DACH1: variants seen among roughly 807,000 people sequenced by gnomAD.
The protein encoded by DACH1 is dachshund family transcription factor 1, also known as dachshund homolog 1.
In DACH1, 12 loss-of-function variants were observed where a neutral mutation model predicts 54.2. The observed-to-expected ratio is 0.22, with a 90% confidence interval of 0.14 to 0.36. The LOEUF is 0.36. DACH1 is among the 10% of genes least tolerant of loss of function. DACH1 has a pLI of 1.00. For missense variants in DACH1, 805 were observed against 929.8 expected (o/e 0.87, Z 1.75); for synonymous variants, 386 against 366.2 (o/e 1.05, Z -0.62).
At chr13:71,600,719 C>CAGAT (rs912480865) in intron 3 of DACH1, among the ~76,000 whole-genome samples, 2 of 151,934 alleles carry the variant, frequency 1.3e-5, no homozygotes, top group Non-Finnish European at 2.9e-5. Context: ...AAGTTATCCA[C>CAGAT]AGATAGACTG....
intron 2 of DACH1, among the ~76,000 whole-genome samples, chr13:71,641,649 T>C (rs1877906299): frequency 6.6e-6 from 1 of 152,144 alleles, no homozygotes; most frequent in Non-Finnish European, 1.5e-5. Flanking sequence ...AAGATTCAAA[T>C]GAAATATGAG....
chr13:71,482,762 CAAATAAT>C (rs891208202), intron 7 of DACH1, among the ~76,000 whole-genome samples: 2 of 145,004 alleles, frequency 1.4e-5, no homozygotes, highest in African/African-American at 5.1e-5. Context: ...AAAAAACAAA[CAAATAAT>C]CAATAGTACA....
intron 1 of DACH1, among the ~76,000 whole-genome samples, chr13:71,760,937 A>G (rs911803535): frequency 1.3e-5 from 2 of 152,162 alleles, no homozygotes; most frequent in Non-Finnish European, 2.9e-5. Flanking sequence ...GGAAATTTAC[A>G]GAATATAAAG....
chr13:71,482,233 GT>G (rs201848878), intron 7 of DACH1, among the ~76,000 whole-genome samples: 54 of 148,688 alleles, frequency 3.6e-4, no homozygotes, highest in South Asian at 1.7e-3. Flanking sequence ...TAGAGATTGA[GT>G]TTTTTTTTTA....
At chr13:71,505,889 A>G (rs1404223114) in intron 6 of DACH1, among the ~76,000 whole-genome samples, 1 of 152,128 alleles carries the variant, frequency 6.6e-6, no homozygotes, top group Non-Finnish European at 1.5e-5. Flanking sequence ...TCCATAAATG[A>G]CTTAATATTG....
At chr13:71,784,912 T>C (rs1215795147) in intron 1 of DACH1, among the ~76,000 whole-genome samples, 3 of 152,176 alleles carry the variant, frequency 2.0e-5, no homozygotes, top group Non-Finnish European at 4.4e-5. Context: ...TGGATCCTAA[T>C]TGACTATTCT....
Position 71,462,871 on chromosome 13 carries a change from T to TACACAC in DACH1, c.2083+12264_2083+12269dup, listed in dbSNP as rs374818301. Among the ~76,000 whole-genome samples the TACACAC allele has an allele frequency of 5.1e-3, 526 of 102,876 alleles. 2 individuals are homozygous for TACACAC. Among genetic ancestry groups the TACACAC allele is most frequent in the African/African-American group, 0.015 (500 of 33,406 alleles). The allele number at this position is 102,876 out of a possible 152,430, so 67.5% of individuals were successfully genotyped here. A position where few individuals can be genotyped will look rare whatever the true frequency, so the allele number is the denominator to read the frequency against. On this transcript the variant is annotated intron_variant, in intron 10 of 10. Coordinates refer to ENST00000613252, the MANE Select transcript of DACH1 (RefSeq NM_080759.6). Reference sequence around the variant, plus strand: ...ATTCCAGGTCTAGAATCTATCTATCTACACACACACACACACACACACACA... The same window carrying TACACAC: ...ATTCCAGGTCTAGAATCTATCTATCTACACACACACACACACACACACACACACACA...
intron 6 of DACH1, among the ~76,000 whole-genome samples, chr13:71,492,108 AC>A (rs1879030002): frequency 6.6e-6 from 1 of 152,168 alleles, no homozygotes; most frequent in Non-Finnish European, 1.5e-5. Context: ...TTCTTAAAAA[AC>A]ATTTTACTTT....
intron 6 of DACH1, among the ~76,000 whole-genome samples, chr13:71,539,705 T>C (rs79534715): frequency 0.065 from 9,860 of 152,124 alleles, 416 homozygotes; most frequent in Middle Eastern, 0.14. Flanking sequence ...TTGGGTAAAA[T>C]AGAGAAAGTA....
intron 1 of DACH1, among the ~76,000 whole-genome samples, chr13:71,777,198 G>A (rs1187241459): frequency 2.0e-5 from 3 of 148,266 alleles, no homozygotes; most frequent in South Asian, 2.1e-4. Context: ...TTGTCCGTAC[G>A]GTATAGCCTT....
chr13:71,654,452 A>AGT (rs1878933649), intron 2 of DACH1, among the ~76,000 whole-genome samples: 4 of 133,182 alleles, frequency 3.0e-5, no homozygotes, highest in Admixed American at 7.8e-5. Flanking sequence ...AATAAAATAA[A>AGT]ATAAAGTAAA....
intron 1 of DACH1, among the ~76,000 whole-genome samples, chr13:71,711,491 G>T (rs1882722650): frequency 6.6e-6 from 1 of 152,074 alleles, no homozygotes; most frequent in South Asian, 2.1e-4. Context: ...ACCTGATTCG[G>T]TTACTCAAGC....
chr13:71,807,543 T>C (rs763816929), intron 1 of DACH1, among the ~76,000 whole-genome samples: 1 of 152,082 alleles, frequency 6.6e-6, no homozygotes, highest in African/African-American at 2.4e-5. Context: ...TGGTTTAAGA[T>C]TGGTCCAAGT....
At chr13:71,461,332 T>C (rs1427830367) in intron 10 of DACH1, among the ~76,000 whole-genome samples, 1 of 152,040 alleles carries the variant, frequency 6.6e-6, no homozygotes, top group Non-Finnish European at 1.5e-5. Context: ...ATCGCATTCA[T>C]TCAAAAGAGC....
chr13:71,735,689 C>G (rs541031647), intron 1 of DACH1, among the ~76,000 whole-genome samples: 1 of 149,024 alleles, frequency 6.7e-6, no homozygotes. Context: ...ACTTGACAAA[C>G]GCATTGCTTA....
chr13:71,716,417 T>C (rs1321406968), intron 1 of DACH1, among the ~76,000 whole-genome samples: 1 of 152,096 alleles, frequency 6.6e-6, no homozygotes, highest in Admixed American at 6.6e-5. Context: ...CTTTCAGGTA[T>C]AATTTCTCAT....
intron 1 of DACH1, among the ~76,000 whole-genome samples, chr13:71,713,364 C>T (rs561085468): frequency 6.6e-6 from 1 of 152,092 alleles, no homozygotes; most frequent in East Asian, 1.9e-4. Flanking sequence ...ATGGTCTAAA[C>T]GTGCATAAAA....
intron 3 of DACH1, among the ~76,000 whole-genome samples, chr13:71,621,519 A>G (rs901037597): frequency 4.6e-5 from 7 of 152,088 alleles, no homozygotes; most frequent in African/African-American, 1.7e-4. Flanking sequence ...CTGTGCAGAC[A>G]TTAAATAATA....
At chr13:71,747,759 G>A (rs1397854368) in intron 1 of DACH1, among the ~76,000 whole-genome samples, 1 of 152,130 alleles carries the variant, frequency 6.6e-6, no homozygotes, top group Non-Finnish European at 1.5e-5. Context: ...TCCATGGGAG[G>A]AAGCAAGGAA....
Sources: gnomAD v4.1 joint callset for allele counts (sites outside exome capture counted in the v4.1 genomes callset) on GRCh38, gnomAD v4.1.1 for gene constraint, MANE v1.5 for transcripts, NCBI Gene and HGNC (gene_info 2026-07-23, HGNC 2026-07-21) for gene names.